The following FBXO4 variants were observed in gnomAD, a reference collection of about 807,000 sequenced individuals.
The protein encoded by FBXO4 is F-box protein 4.
Under a neutral mutation model 43.7 loss-of-function variants are expected in FBXO4, and 36 were observed. That is an observed-to-expected ratio of 0.82 (90% confidence interval 0.63 to 1.09). The LOEUF (loss-of-function observed/expected upper bound fraction) is 1.09, where lower values mean the gene tolerates loss of function less well. Ranked by LOEUF, FBXO4 falls within the 50% of genes least tolerant of loss-of-function variation. The pLI, the probability that FBXO4 is intolerant of heterozygous loss-of-function variation, is 0.00. For missense variants in FBXO4, 435 were observed against 474.1 expected (o/e 0.92, Z 0.77); for synonymous variants, 180 against 165.6 (o/e 1.09, Z -0.67).
downstream of FBXO4, among the ~76,000 whole-genome samples, chr5:41,942,652 T>C (rs1022909748): frequency 2.0e-5 from 3 of 152,122 alleles, no homozygotes; most frequent in Non-Finnish European, 4.4e-5. Context: ...CCCAATCAAA[T>C]CTTTTTTTCC....
the FBXO4 span, among the ~76,000 whole-genome samples, chr5:41,962,304 G>T: frequency 6.6e-6 from 1 of 152,238 alleles, no homozygotes; most frequent in East Asian, 1.9e-4. Flanking sequence ...TTTGCTTTCA[G>T]TCTTTCTCAG....
chr5:41,958,217 C>T, the FBXO4 span, among the ~76,000 whole-genome samples: 3 of 150,288 alleles, frequency 2.0e-5, no homozygotes, highest in African/African-American at 7.4e-5. Context: ...TCACTGCAAG[C>T]TCCGCCTCCC....
chr5:42,037,427 C>T, the FBXO4 span, among the ~76,000 whole-genome samples: 1 of 151,904 alleles, frequency 6.6e-6, no homozygotes, highest in Non-Finnish European at 1.5e-5. Context: ...GAAACCATCC[C>T]TACAAATTTT....
At chr5:41,930,768 C>T (rs1236877415) in intron 3 of FBXO4, among the ~76,000 whole-genome samples, 1 of 151,574 alleles carries the variant, frequency 6.6e-6, no homozygotes, top group Non-Finnish European at 1.5e-5. Context: ...CCCGGGTTCA[C>T]ACCATTCTCC....
At position 41,939,339 on chromosome 5, in the gene FBXO4, C is replaced by G. The variant is rs1020415659; in HGVS notation, c.899-102C>G. ...TTTTTCCCTCAGTTTATGTTTGGAT[C>G]CTGGTAAATTTTTGTTCCCTCGCTT... On this transcript the variant is annotated intron_variant, in intron 5 of 6. Coordinates refer to ENST00000281623, the MANE Select transcript of FBXO4 (RefSeq NM_012176.3). The G allele has an allele frequency of 2.9e-6, 3 of 1,028,674 alleles. No individual in the cohort carries two copies. The Admixed American group carries it at 7.1e-5, about 24-fold the overall frequency. 63.7% of individuals were successfully genotyped at this position (1,028,674 alleles called of 1,614,324 possible).
Position 41,929,836 on chromosome 5 carries a change from T to A in FBXO4, c.565T>A (p.Leu189Met). ...TATGTTTGGACCAGGTTTGGAAGAATTGAATACCTCTTTGGTGTTGAGCTT... is the reference window on the plus strand; with the variant it reads ...TATGTTTGGACCAGGTTTGGAAGAAATGAATACCTCTTTGGTGTTGAGCTT... ...FAMFGPGLEE[L>M]NTSLVLSLMS... Residue 189 changes from leucine (L) to methionine (M), a missense_variant, in exon 3 of 7, where the codon TTG becomes ATG. Coordinates refer to ENST00000281623, the MANE Select transcript of FBXO4 (RefSeq NM_012176.3). The A allele has an allele frequency of 6.2e-7, 1 of 1,614,202 alleles. No individual in the cohort carries two copies. The highest frequency in any genetic ancestry group is 8.5e-7 in the Non-Finnish European group (1 of 1,180,038).
downstream of FBXO4, among the ~76,000 whole-genome samples, chr5:41,944,073 C>T (rs1454971521): frequency 6.6e-6 from 1 of 152,142 alleles, no homozygotes; most frequent in Non-Finnish European, 1.5e-5. Context: ...TTGTTTAAGA[C>T]ACTCGGTCTA....
chr5:41,933,347 C>T (rs1205614223), intron 3 of FBXO4, among the ~76,000 whole-genome samples: 2 of 152,072 alleles, frequency 1.3e-5, no homozygotes, highest in Admixed American at 1.3e-4. Flanking sequence ...TCCCAAGTAC[C>T]TGGGAAACAG....
chr5:41,940,540 G>C (rs574025826), intron 6 of FBXO4, among the ~76,000 whole-genome samples: 35 of 152,346 alleles, frequency 2.3e-4, no homozygotes, highest in African/African-American at 8.2e-4. Context: ...GGGATTACAG[G>C]CATGAGCCAC....
chr5:41,992,378 T>C, the FBXO4 span, among the ~76,000 whole-genome samples: 1 of 152,198 alleles, frequency 6.6e-6, no homozygotes, highest in East Asian at 1.9e-4. Context: ...AAGGGTCTGG[T>C]GTGGCTTATA....
chr5:41,958,969 G>A, the FBXO4 span, among the ~76,000 whole-genome samples: 2 of 152,238 alleles, frequency 1.3e-5, no homozygotes, highest in Admixed American at 6.5e-5. Flanking sequence ...TTAAGGAAAC[G>A]CCATACTGGT....
chr5:42,033,159 T>C, the FBXO4 span, among the ~76,000 whole-genome samples: 1 of 152,154 alleles, frequency 6.6e-6, no homozygotes, highest in Non-Finnish European at 1.5e-5. Flanking sequence ...TGTTTTGAAG[T>C]TGTGAGCTGT....
At chr5:42,020,236 G>A in the FBXO4 span, among the ~76,000 whole-genome samples, 9 of 152,004 alleles carry the variant, frequency 5.9e-5, no homozygotes, top group Non-Finnish European at 1.3e-4. Context: ...ATTATTTACG[G>A]GATAGTAATC....
Position 41,941,403 on chromosome 5 carries a change from A to T in FBXO4, c.*122A>T, listed in dbSNP as rs1304718836. 6 of 648,888 alleles carry T rather than the reference A, an allele frequency of 9.2e-6. No individual in the cohort carries two copies. Among genetic ancestry groups the T allele is most frequent in the African/African-American group, 9.1e-5 (5 of 55,070 alleles). The allele number at this position is 648,888 out of a possible 1,614,324, so 40.2% of individuals were successfully genotyped here. A position where few individuals can be genotyped will look rare whatever the true frequency, so the allele number is the denominator to read the frequency against. On this transcript the variant is annotated 3_prime_UTR_variant, in exon 7 of 7. Coordinates refer to ENST00000281623, the MANE Select transcript of FBXO4 (RefSeq NM_012176.3). ...TTTGCAGATAGGCTTTCATTTGGAC[A>T]GCTATAACTGCTGTGTTTTTTATAT...
chr5:41,969,149 G>T, the FBXO4 span, among the ~76,000 whole-genome samples: 2 of 152,096 alleles, frequency 1.3e-5, no homozygotes, highest in South Asian at 2.1e-4. Flanking sequence ...AGCAGCCAAG[G>T]GTTGGTGCCC....
chr5:42,037,133 C>T, the FBXO4 span, among the ~76,000 whole-genome samples: 1 of 152,186 alleles, frequency 6.6e-6, no homozygotes, highest in South Asian at 2.1e-4. Flanking sequence ...ATCCTCACTA[C>T]AGTTGGAGTT....
intron 3 of FBXO4, among the ~76,000 whole-genome samples, chr5:41,932,843 A>G (rs1335878800): frequency 6.6e-6 from 1 of 152,212 alleles, no homozygotes; most frequent in African/African-American, 2.4e-5. Context: ...ATGGAAGCCC[A>G]GAAGGGTCTT....
At chr5:41,989,239 A>G in the FBXO4 span, among the ~76,000 whole-genome samples, 1 of 152,178 alleles carries the variant, frequency 6.6e-6, no homozygotes, top group Admixed American at 6.5e-5. Flanking sequence ...TTAATAAGAA[A>G]TGCTTATGAA....
At chr5:41,998,334 C>A in the FBXO4 span, among the ~76,000 whole-genome samples, 1 of 152,188 alleles carries the variant, frequency 6.6e-6, no homozygotes, top group Non-Finnish European at 1.5e-5. Flanking sequence ...CCTCACAAAT[C>A]TATTTCAAAA....
Sources: allele counts gnomAD v4.1 joint callset (sites outside exome capture counted in the v4.1 genomes callset), GRCh38; gene constraint gnomAD v4.1.1; transcripts MANE v1.5; gene names NCBI Gene and HGNC (gene_info 2026-07-23, HGNC 2026-07-21).